Variants in NOTCH2 observed in about 807,000 individuals in gnomAD.
NOTCH2 encodes notch receptor 2, also known as neurogenic locus notch homolog protein 2.
Under a neutral mutation model 235.8 loss-of-function variants are expected in NOTCH2, and 29 were observed. The observed-to-expected ratio is 0.12, with a 90% confidence interval of 0.09 to 0.17. NOTCH2 has a LOEUF of 0.17. Ranked by LOEUF, NOTCH2 falls within the 10% of genes least tolerant of loss-of-function variation. The pLI is 1.00. For synonymous variants in NOTCH2, 1,086 were observed against 1,141.5 expected, an observed-to-expected ratio of 0.95 and a Z score of 0.98; for missense variants, 2,285 against 3,150.2, an observed-to-expected ratio of 0.73 and a Z score of 6.57.
chr1:119,953,496 A>T lies in NOTCH2; in HGVS notation c.2365+47T>A, dbSNP rs7534585. 0.12 allele frequency: 189,693 copies of T among 1,603,732 alleles called. 13,855 individuals are homozygous for T. The highest frequency in any genetic ancestry group is 0.33 in the African/African-American group (24,332 of 74,514). On this transcript the variant is annotated intron_variant, in intron 14 of 33. Coordinates refer to ENST00000256646, the MANE Select transcript of NOTCH2 (RefSeq NM_024408.4). ...GAAGTGAGTCAAGCAGTATGCAACA[A>T]CAAGAAGACAAAGAGCAGACGCAGA...
intron 1 of NOTCH2, among the ~76,000 whole-genome samples, chr1:120,045,675 T>C (rs1222496626): frequency 1.3e-5 from 2 of 152,242 alleles, no homozygotes; most frequent in Non-Finnish European, 2.9e-5. Flanking sequence ...CTAATTCACA[T>C]ATATCTTCTA....
chr1:119,938,254 C>T (rs1382726955), intron 19 of NOTCH2, among the ~76,000 whole-genome samples: 1 of 151,294 alleles, frequency 6.6e-6, no homozygotes, highest in Non-Finnish European at 1.5e-5. Context: ...ACTTTAAGGA[C>T]AACGATATAT....
intron 19 of NOTCH2, 115 bp from the exon 20 acceptor site, chr1:119,938,125 G>C (rs1649926326): frequency 8.3e-7 from 1 of 1,205,860 alleles, no homozygotes. Context: ...AAAAGAAAAA[G>C]AGCCTTCATC....
chr1:119,927,112 C>T (rs997171427), intron 23 of NOTCH2, among the ~76,000 whole-genome samples: 8 of 152,168 alleles, frequency 5.3e-5, no homozygotes, highest in East Asian at 1.9e-4. Flanking sequence ...TAACCTAACT[C>T]GTATTCCTTA....
Position 119,913,920 on chromosome 1 carries a change from C to T in NOTCH2, c.*1386G>A, listed in dbSNP as rs1356757085. 4.3e-6 allele frequency: 1 copy of T among 233,070 alleles called. No homozygotes were observed. Among genetic ancestry groups the T allele is most frequent in the East Asian group, 6.0e-5 (1 of 16,548 alleles). 14.4% of individuals were successfully genotyped at this position (233,070 alleles called of 1,614,324 possible). ...AGAAAACAAGTCCAACTTTCCAATTCCTGCACTTGAACATATAAAGTCCAT... is the reference window on the plus strand; with the variant it reads ...AGAAAACAAGTCCAACTTTCCAATTTCTGCACTTGAACATATAAAGTCCAT... On this transcript the variant is annotated 3_prime_UTR_variant, in exon 34 of 34. Coordinates refer to ENST00000256646, the MANE Select transcript of NOTCH2 (RefSeq NM_024408.4).
At chr1:119,996,323 G>T (rs1553204102) in intron 4 of NOTCH2, 1 of 342,024 alleles carries the variant, frequency 2.9e-6, no homozygotes, top group Non-Finnish European at 5.6e-6. Flanking sequence ...AGTGAAGAGT[G>T]TAACAAAGTA....
intron 4 of NOTCH2, among the ~76,000 whole-genome samples, chr1:119,987,657 A>C (rs1480119150): frequency 6.6e-6 from 1 of 152,124 alleles, no homozygotes; most frequent in Non-Finnish European, 1.5e-5. Flanking sequence ...TTCTGCATCA[A>C]CTTCCTCACC....
intron 10 of NOTCH2, 117 bp from the exon 11 acceptor site, chr1:119,963,924 G>T: frequency 1.1e-6 from 1 of 895,038 alleles, no homozygotes; most frequent in African/African-American, 1.6e-5. Flanking sequence ...AATTAATACT[G>T]CAGGTCTTGA....
Position 119,986,948 on chromosome 1 carries a change from C to T in NOTCH2, c.874+12G>A, listed in dbSNP as rs1652042469. The T allele has an allele frequency of 6.2e-7, 1 of 1,613,464 alleles. No homozygotes were observed. The highest frequency in any genetic ancestry group is 8.5e-7 in the Non-Finnish European group (1 of 1,179,498). The stretch of plus-strand genomic sequence containing the variant: ...ATATCCCATTCTGGTGGATTCTCCA[C>T]ACTGTACATACCTGTCCATTGTGGG... On this transcript the variant is annotated intron_variant, in intron 5 of 33. Transcript: ENST00000256646.
intron 15 of NOTCH2, among the ~76,000 whole-genome samples, chr1:119,949,598 G>T (rs1650391445): frequency 6.6e-6 from 1 of 152,036 alleles, no homozygotes; most frequent in Non-Finnish European, 1.5e-5. Context: ...ATGTTAGCCA[G>T]GATGGCTGTG....
chr1:120,065,171 T>TG (rs1655457611), intron 1 of NOTCH2, among the ~76,000 whole-genome samples: 1 of 152,252 alleles, frequency 6.6e-6, no homozygotes, highest in East Asian at 1.9e-4. Context: ...ATGAAACATC[T>TG]GGGGAAGGGA....
At chr1:119,978,872 T>C (rs1461082800) in intron 5 of NOTCH2, among the ~76,000 whole-genome samples, 1 of 152,204 alleles carries the variant, frequency 6.6e-6, no homozygotes, top group Non-Finnish European at 1.5e-5. Context: ...GCAGTTACTC[T>C]GCTCAGAATG....
In NOTCH2 at chr1:119,978,366, T is replaced by C. The variant is rs998769838; in HGVS notation, c.874+8594A>G. On this transcript the variant is annotated intron_variant, in intron 5 of 33. Transcript: ENST00000256646. ...TAAATCCAAAGACAAGGAGGACCCA[T>C]TGAAGTGTTTCCAGCAAAGAAATGA... is the stretch of plus-strand genomic sequence containing the variant. Among the ~76,000 whole-genome samples, 8 of 152,190 alleles carry C rather than the reference T, an allele frequency of 5.3e-5. No homozygotes were observed. The South Asian group carries it at 6.2e-4, about 12-fold the overall frequency.
chr1:119,957,034 T>C (rs919732140), intron 12 of NOTCH2, among the ~76,000 whole-genome samples: 100 of 152,240 alleles, frequency 6.6e-4, no homozygotes, highest in Non-Finnish European at 2.6e-4. Context: ...AAACATGGTA[T>C]AGTCCACACT....
At position 119,912,650 on chromosome 1, in the gene NOTCH2, T is replaced by C. The variant is rs189691114; in HGVS notation, c.*2656A>G. 7.1e-4 allele frequency: 165 copies of C among 232,758 alleles called. 1 individual carries two copies. The highest frequency in any genetic ancestry group is 3.5e-3 in the African/African-American group (158 of 45,310). The allele number at this position is 232,758 out of a possible 1,614,324, so 14.4% of individuals were successfully genotyped here. ...CAAAGAAAGAAAGCATTTATAACAA[T>C]AAAAATAAACCAAAAATAGCAGGGG... On this transcript the variant is annotated 3_prime_UTR_variant, in exon 34 of 34. Coordinates refer to ENST00000256646, the MANE Select transcript of NOTCH2 (RefSeq NM_024408.4).
At chr1:119,920,484 G>A in intron 29 of NOTCH2, 87 bp from the exon 30 acceptor site, 1 of 1,399,190 alleles carries the variant, frequency 7.1e-7, no homozygotes, top group Non-Finnish European at 1.0e-6. Context: ...CACCACCGCT[G>A]CTTATCTCCC....
chr1:119,935,329 G>C, intron 22 of NOTCH2, 143 bp downstream of exon 22: 1 of 1,591,776 alleles, frequency 6.3e-7, no homozygotes, highest in East Asian at 2.2e-5. Context: ...AAAATGGCTT[G>C]AATTACTAGG....
chr1:119,944,790 A>G (rs2101109842), intron 17 of NOTCH2, among the ~76,000 whole-genome samples: 1 of 152,306 alleles, frequency 6.6e-6, no homozygotes, highest in African/African-American at 2.4e-5. Flanking sequence ...TATCTTTGAA[A>G]ACTAAAGCAA....
In NOTCH2 at chr1:119,915,136, G is replaced by T; in HGVS notation, c.*170C>A. On this transcript the variant is annotated 3_prime_UTR_variant, in exon 34 of 34. Coordinates refer to ENST00000256646, the MANE Select transcript of NOTCH2 (RefSeq NM_024408.4). ...TCAATAAGCCTTGCAGATACCCAGT[G>T]AAACTGACGAATTGCTTCTCTTGCA... 1 of 706,850 alleles carries T rather than the reference G, an allele frequency of 1.4e-6. No individual in the cohort carries two copies. Among genetic ancestry groups the T allele is most frequent in the Non-Finnish European group, 2.4e-6 (1 of 408,330 alleles). 43.8% of individuals were successfully genotyped at this position (706,850 alleles called of 1,614,324 possible).
Sources: gnomAD v4.1 joint callset for allele counts (sites outside exome capture counted in the v4.1 genomes callset) on GRCh38, gnomAD v4.1.1 for gene constraint, MANE v1.5 for transcripts, NCBI Gene and HGNC (gene_info 2026-07-23, HGNC 2026-07-21) for gene names.